The following CDH18 variants were observed in gnomAD, a reference collection of about 807,000 sequenced individuals.
CDH18 encodes cadherin-18.
In CDH18, 31 loss-of-function variants were observed where a neutral mutation model predicts 67.9. The ratio of observed to expected loss-of-function variants is 0.46; its 90% confidence interval spans 0.34 to 0.62. The LOEUF (loss-of-function observed/expected upper bound fraction) is 0.62. CDH18 is among the 20% of genes least tolerant of loss of function. The pLI is 0.01. For synonymous variants in CDH18, 362 were observed against 347.2 expected, an observed-to-expected ratio of 1.04 and a Z score of -0.48; for missense variants, 890 against 975.5, an observed-to-expected ratio of 0.91 and a Z score of 1.17.
At chr5:20,389,833 G>A (rs960291485) in intron 1 of CDH18, among the ~76,000 whole-genome samples, 6 of 152,134 alleles carry the variant, frequency 3.9e-5, no homozygotes, top group Admixed American at 1.3e-4. Context: ...AAACAATGCT[G>A]CATATCTACA....
chr5:20,099,560 A>C (rs1746278798), intron 2 of CDH18, among the ~76,000 whole-genome samples: 1 of 151,756 alleles, frequency 6.6e-6, no homozygotes, highest in Non-Finnish European at 1.5e-5. Context: ...TCTACTCAGA[A>C]TTATTATTCT....
chr5:19,658,145 T>C (rs938580560), intron 5 of CDH18, among the ~76,000 whole-genome samples: 3 of 152,038 alleles, frequency 2.0e-5, no homozygotes, highest in Admixed American at 2.0e-4. Flanking sequence ...CTTTATGCAA[T>C]TTTCTTGTAC....
intron 1 of CDH18, among the ~76,000 whole-genome samples, chr5:20,264,307 A>G (rs1249564068): frequency 1.3e-5 from 2 of 152,092 alleles, no homozygotes; most frequent in African/African-American, 4.8e-5. Flanking sequence ...AAAGAATCTT[A>G]ATCAAAAAAT....
chr5:20,540,127 T>C (rs1479810496), intron 1 of CDH18, among the ~76,000 whole-genome samples: 1 of 152,156 alleles, frequency 6.6e-6, no homozygotes, highest in African/African-American at 2.4e-5. Flanking sequence ...TGTGGTGGAC[T>C]TCTTAGAGAG....
intron 2 of CDH18, among the ~76,000 whole-genome samples, chr5:20,199,251 G>A (rs1482051263): frequency 1.3e-5 from 2 of 152,182 alleles, no homozygotes; most frequent in Non-Finnish European, 2.9e-5. Flanking sequence ...TGGGATGGGG[G>A]CTGTACCCTG....
At chr5:20,466,255 G>A (rs10941830) in intron 1 of CDH18, among the ~76,000 whole-genome samples, 12,679 of 151,984 alleles carry the variant, frequency 0.083, 1,700 homozygotes, top group African/African-American at 0.28. Flanking sequence ...GAATATCAAG[G>A]ATAAGGAAAT....
At chr5:19,482,333 G>C (rs944732151) in intron 12 of CDH18, among the ~76,000 whole-genome samples, 5 of 152,040 alleles carry the variant, frequency 3.3e-5, no homozygotes, top group Non-Finnish European at 5.9e-5. Flanking sequence ...AGCCAGGATA[G>C]TCTCGATCTC....
At chr5:20,553,042 C>T (rs1357015879) in intron 1 of CDH18, among the ~76,000 whole-genome samples, 3 of 152,092 alleles carry the variant, frequency 2.0e-5, no homozygotes, top group Admixed American at 6.6e-5. Flanking sequence ...AGTGAGCCAC[C>T]ATGCCTGGCT....
chr5:19,975,350 G>T (rs1798400524), intron 2 of CDH18, among the ~76,000 whole-genome samples: 1 of 151,966 alleles, frequency 6.6e-6, no homozygotes, highest in Admixed American at 6.6e-5. Context: ...CTTAGGTAGT[G>T]ATTTTTAAAT....
Position 19,472,947 on chromosome 5 carries a change from G to A in CDH18, c.*279C>T, listed in dbSNP as rs1737783199. ...AAATATCATTGTTTGGCTTAATTCA[G>A]GTATTCTTAATAAACAGTACCACAG... On this transcript the variant is annotated 3_prime_UTR_variant, in exon 13 of 13. Coordinates refer to ENST00000382275, the MANE Select transcript of CDH18 (RefSeq NM_004934.5). The A allele has an allele frequency of 3.4e-6, 1 of 295,724 alleles. No homozygotes were observed. The highest frequency in any genetic ancestry group is 6.3e-6 in the Non-Finnish European group (1 of 159,276). 18.3% of individuals were successfully genotyped at this position (295,724 alleles called of 1,614,324 possible). A position where few individuals can be genotyped will look rare whatever the true frequency, so the allele number is the denominator to read the frequency against.
chr5:19,594,861 CCA>C (rs1483780993), intron 6 of CDH18, among the ~76,000 whole-genome samples: 1 of 152,068 alleles, frequency 6.6e-6, no homozygotes, highest in Admixed American at 6.5e-5. Context: ...TAATGCTTTT[CCA>C]ATAAGATCAG....
chr5:19,907,479 T>G (rs1239097084), intron 2 of CDH18, among the ~76,000 whole-genome samples: 1 of 152,002 alleles, frequency 6.6e-6, no homozygotes, highest in Admixed American at 6.6e-5. Flanking sequence ...ATTTTGAGCA[T>G]GAAACAAAAT....
At chr5:20,163,668 C>A (rs889514341) in intron 2 of CDH18, among the ~76,000 whole-genome samples, 7 of 152,044 alleles carry the variant, frequency 4.6e-5, no homozygotes, top group African/African-American at 1.4e-4. Flanking sequence ...ATCAGCTATC[C>A]CCCTGGTAGA....
chr5:19,901,827 TTATGA>T (rs1485733592), intron 2 of CDH18, among the ~76,000 whole-genome samples: 1 of 151,904 alleles, frequency 6.6e-6, no homozygotes, highest in African/African-American at 2.4e-5. Context: ...CTTTTTTCAC[TTATGA>T]TATATAATAT....
chr5:19,874,266 C>T (rs1449926857), intron 2 of CDH18, among the ~76,000 whole-genome samples: 1 of 152,148 alleles, frequency 6.6e-6, no homozygotes, highest in Non-Finnish European at 1.5e-5. Flanking sequence ...ATGGCCTGTT[C>T]TGCACATCAC....
chr5:20,148,974 A>G (rs57515731), intron 2 of CDH18, among the ~76,000 whole-genome samples: 7,227 of 152,126 alleles, frequency 0.048, 435 homozygotes, highest in East Asian at 0.27. Context: ...GTCTCAGTGC[A>G]ATTTCTAACA....
chr5:20,176,391 C>A (rs148968236), intron 2 of CDH18, among the ~76,000 whole-genome samples: 21 of 152,164 alleles, frequency 1.4e-4, no homozygotes, highest in African/African-American at 5.1e-4. Flanking sequence ...ACAAATCAAC[C>A]CTTGCCATTT....
chr5:20,231,640 A>T (rs1224669761), intron 2 of CDH18, among the ~76,000 whole-genome samples: 2 of 151,402 alleles, frequency 1.3e-5, no homozygotes, highest in African/African-American at 4.8e-5. Context: ...AGAAAGGAAA[A>T]GAAAAGAAAC....
At chr5:20,046,631 T>C (rs113599693) in intron 2 of CDH18, among the ~76,000 whole-genome samples, 1 of 148,384 alleles carries the variant, frequency 6.7e-6, no homozygotes, top group Non-Finnish European at 1.5e-5. Flanking sequence ...ATATAAAATA[T>C]ATAAAATATA....
Sources: allele counts gnomAD v4.1 joint callset (sites outside exome capture counted in the v4.1 genomes callset), GRCh38; gene constraint gnomAD v4.1.1; transcripts MANE v1.5; gene names NCBI Gene and HGNC (gene_info 2026-07-23, HGNC 2026-07-21).